Variants in TSHZ2 observed in about 807,000 individuals in gnomAD.
The protein encoded by TSHZ2 is teashirt zinc finger homeobox 2.
In TSHZ2, 21 loss-of-function variants were observed where a neutral mutation model predicts 74.4. That is an observed-to-expected ratio of 0.28 (90% CI 0.20 to 0.41). The LOEUF is 0.41. TSHZ2 is among the 10% of genes least tolerant of loss of function. TSHZ2 has a pLI of 1.00. For missense variants in TSHZ2, 1,244 were observed against 1,293.5 expected (o/e 0.96, Z 0.59); for synonymous variants, 540 against 515.3 (o/e 1.05, Z -0.65).
intron 1 of TSHZ2, among the ~76,000 whole-genome samples, chr20:53,026,975 A>G (rs1600653140): frequency 6.6e-6 from 1 of 151,976 alleles, no homozygotes; most frequent in South Asian, 2.1e-4. Context: ...AGACAGCGAG[A>G]CCCTGTCTTT....
chr20:52,993,412 A>G (rs188859409), intron 1 of TSHZ2, among the ~76,000 whole-genome samples: 216 of 152,366 alleles, frequency 1.4e-3, no homozygotes, highest in Non-Finnish European at 2.6e-3. Context: ...CAAACGTGTA[A>G]CAATGCACTG....
chr20:53,454,789 G>A (rs1256808779), intron 2 of TSHZ2, among the ~76,000 whole-genome samples: 2 of 152,040 alleles, frequency 1.3e-5, no homozygotes, highest in Admixed American at 6.6e-5. Context: ...GTCAATTTGA[G>A]AAAGTTTCAT....
intron 1 of TSHZ2, among the ~76,000 whole-genome samples, chr20:53,046,605 T>G (rs754557465): frequency 4.1e-4 from 62 of 152,002 alleles, no homozygotes; most frequent in Non-Finnish European, 7.4e-4. Flanking sequence ...ATAAATTCAT[T>G]TAGATTTCTG....
chr20:53,040,893 A>G (rs909721493), intron 1 of TSHZ2, among the ~76,000 whole-genome samples: 1 of 152,144 alleles, frequency 6.6e-6, no homozygotes, highest in Admixed American at 6.5e-5. Context: ...AAGTATGAGT[A>G]AATTGGGCTC....
At chr20:53,050,755 A>AC (rs1490526419) in intron 1 of TSHZ2, among the ~76,000 whole-genome samples, 7 of 152,160 alleles carry the variant, frequency 4.6e-5, no homozygotes, top group East Asian at 3.9e-4. Context: ...AGATCCAACC[A>AC]CCTCCCTCTA....
chr20:53,405,118 G>A (rs532744163), intron 2 of TSHZ2, among the ~76,000 whole-genome samples: 11 of 141,974 alleles, frequency 7.7e-5, no homozygotes, highest in Non-Finnish European at 1.4e-4. Flanking sequence ...CTGTGGTTGC[G>A]CGTACCTATA....
chr20:53,229,915 G>T (rs1600755287), intron 1 of TSHZ2, among the ~76,000 whole-genome samples: 1 of 148,398 alleles, frequency 6.7e-6, no homozygotes. Flanking sequence ...GAAAAAAAGA[G>T]AAAGAAGAAG....
intron 1 of TSHZ2, among the ~76,000 whole-genome samples, chr20:53,179,924 T>C (rs1216185335): frequency 6.6e-6 from 1 of 152,196 alleles, no homozygotes; most frequent in African/African-American, 2.4e-5. Flanking sequence ...TTAAAAAAGA[T>C]GGAGTTACCC....
intron 1 of TSHZ2, among the ~76,000 whole-genome samples, chr20:53,158,052 G>A (rs1031307043): frequency 6.6e-6 from 1 of 152,172 alleles, no homozygotes; most frequent in African/African-American, 2.4e-5. Flanking sequence ...GATCTCATTT[G>A]AGGAGGCGAT....
intron 2 of TSHZ2, among the ~76,000 whole-genome samples, chr20:53,418,415 G>A (rs1050503559): frequency 4.6e-5 from 7 of 152,196 alleles, no homozygotes; most frequent in Non-Finnish European, 7.3e-5. Flanking sequence ...CCGAGGCTGG[G>A]CAACTTACAA....
chr20:53,410,012 A>G (rs1241075443), intron 2 of TSHZ2, among the ~76,000 whole-genome samples: 1 of 151,336 alleles, frequency 6.6e-6, no homozygotes, highest in Non-Finnish European at 1.5e-5. Context: ...ACACCTGGCT[A>G]ATTTTTGTAT....
chr20:53,402,370 G>A (rs1215333792), intron 2 of TSHZ2, among the ~76,000 whole-genome samples: 1 of 152,058 alleles, frequency 6.6e-6, no homozygotes, highest in Admixed American at 6.5e-5. Flanking sequence ...ACTCACCATG[G>A]GTGTTGCAGT....
chr20:53,079,098 G>T (rs938446856), intron 1 of TSHZ2, among the ~76,000 whole-genome samples: 1 of 152,156 alleles, frequency 6.6e-6, no homozygotes, highest in Non-Finnish European at 1.5e-5. Flanking sequence ...TTTGGAGAGC[G>T]TGGAAGACTA....
At chr20:53,468,017 A>AAAAT (rs1258287350) in intron 2 of TSHZ2, among the ~76,000 whole-genome samples, 2 of 152,210 alleles carry the variant, frequency 1.3e-5, no homozygotes, top group African/African-American at 4.8e-5. Flanking sequence ...AAAAGAAAAA[A>AAAAT]AAATAACACC....
intron 1 of TSHZ2, among the ~76,000 whole-genome samples, chr20:53,230,969 A>T (rs1176776474): frequency 6.6e-6 from 1 of 152,196 alleles, no homozygotes; most frequent in Non-Finnish European, 1.5e-5. Flanking sequence ...AGGGATGCAA[A>T]GTAAAAGAGG....
At chr20:53,110,363 G>A (rs1020604697) in intron 1 of TSHZ2, among the ~76,000 whole-genome samples, 18 of 151,168 alleles carry the variant, frequency 1.2e-4, no homozygotes, top group Non-Finnish European at 2.2e-4. Flanking sequence ...GACTTTCTCC[G>A]GCCCTCTCTT....
chr20:53,068,280 C>T (rs1328211102), intron 1 of TSHZ2, among the ~76,000 whole-genome samples: 1 of 152,098 alleles, frequency 6.6e-6, no homozygotes, highest in African/African-American at 2.4e-5. Flanking sequence ...AACACTTTAC[C>T]ATCACCCACA....
At chr20:53,280,637 G>A (rs6022373) in intron 2 of TSHZ2, among the ~76,000 whole-genome samples, 41 of 144,704 alleles carry the variant, frequency 2.8e-4, no homozygotes, top group African/African-American at 9.6e-4. Context: ...TCAACAAGTC[G>A]TTTTTTTGTT....
At chr20:53,117,503 C>T (rs1326025300) in intron 1 of TSHZ2, among the ~76,000 whole-genome samples, 2 of 152,140 alleles carry the variant, frequency 1.3e-5, no homozygotes, top group East Asian at 1.9e-4. Flanking sequence ...GTATGTAAGA[C>T]AATCAGCTAG....
Sources: gnomAD v4.1 joint callset for allele counts (sites outside exome capture counted in the v4.1 genomes callset) on GRCh38, gnomAD v4.1.1 for gene constraint, MANE v1.5 for transcripts, NCBI Gene and HGNC (gene_info 2026-07-23, HGNC 2026-07-21) for gene names.